Variants in IDO2 observed in about 807,000 individuals in gnomAD.
IDO2 encodes indoleamine 2,3-dioxygenase-like 1 protein.
In IDO2, 46 loss-of-function variants were observed where a neutral mutation model predicts 45.1. The observed-to-expected ratio is 1.02, with a 90% CI of 0.80 to 1.30. IDO2 has a LOEUF of 1.30. Among genes scored for constraint, IDO2 ranks in the 50% most tolerant of loss-of-function variants. The pLI is 0.00. For synonymous variants in IDO2, 218 were observed against 184.9 expected (o/e 1.18, Z -1.45); for missense variants, 544 against 491.8 (o/e 1.11, Z -1.00).
chr8:39,937,483 A>T (rs1407648911), intron 1 of IDO2, among the ~76,000 whole-genome samples: 1 of 152,036 alleles, frequency 6.6e-6, no homozygotes, highest in Non-Finnish European at 1.5e-5. Context: ...CTATTTCAGG[A>T]AGCTTTTCTA....
At chr8:39,965,144 C>G (rs562520804) in intron 3 of IDO2, among the ~76,000 whole-genome samples, 12 of 152,346 alleles carry the variant, frequency 7.9e-5, no homozygotes, top group Non-Finnish European at 1.6e-4. Context: ...CCTATTCCTT[C>G]TTGGCCTTTT....
chr8:39,987,882 C>G, exon 7 of IDO2: 1 of 1,606,690 alleles, frequency 6.2e-7, no homozygotes, highest in Non-Finnish European at 8.5e-7. Flanking sequence ...AACCTGGAGA[C>G]CATCATCTCA....
chr8:39,968,342 G>T (rs1808127926), intron 3 of IDO2, among the ~76,000 whole-genome samples: 1 of 152,130 alleles, frequency 6.6e-6, no homozygotes, highest in Non-Finnish European at 1.5e-5. Context: ...TAGCTTTATG[G>T]TTACTAGAGA....
chr8:40,015,875 T>A (rs2955904), exon 11 of IDO2: 2 of 396,966 alleles, frequency 5.0e-6, no homozygotes, highest in Non-Finnish European at 8.9e-6. Flanking sequence ...AGTGACTGTA[T>A]GCCATTCTCT....
intron 1 of IDO2, among the ~76,000 whole-genome samples, chr8:39,941,750 C>A (rs1807646011): frequency 6.6e-6 from 1 of 152,038 alleles, no homozygotes; most frequent in African/African-American, 2.4e-5. Flanking sequence ...CAGAAAAATA[C>A]AGTTCAAACA....
chr8:40,015,611 C>T (rs1802376504), exon 11 of IDO2: 4 of 1,594,178 alleles, frequency 2.5e-6, no homozygotes, highest in Non-Finnish European at 3.4e-6. Flanking sequence ...AGGAGGCTGC[C>T]CTCTCCCCAG....
rs1489358076 is a variant in IDO2, at chr8:39,949,130, A to G, written c.-17-19A>G. The G allele has an allele frequency of 6.3e-7, 1 of 1,582,774 alleles. No homozygotes were observed. Among genetic ancestry groups the G allele is most frequent in the East Asian group, 2.3e-5 (1 of 43,974 alleles). ...ATTTATTAGGAACAATTGATTCTTC[A>G]GTGACACTTTCCATGCAGATACTTC... is the stretch of plus-strand genomic sequence containing the variant. On this transcript the variant is annotated intron_variant, in intron 1 of 10. Coordinates refer to ENST00000502986, the Ensembl canonical transcript of IDO2.
At chr8:39,957,541 G>A (rs1807923338) in intron 2 of IDO2, among the ~76,000 whole-genome samples, 1 of 152,202 alleles carries the variant, frequency 6.6e-6, no homozygotes, top group African/African-American at 2.4e-5. Context: ...GACCCAGGGA[G>A]TTTGAGGCTG....
At chr8:39,974,359 C>G (rs758966112) in intron 3 of IDO2, among the ~76,000 whole-genome samples, 1 of 152,176 alleles carries the variant, frequency 6.6e-6, no homozygotes, top group African/African-American at 2.4e-5. Context: ...GATTAACTGG[C>G]TCTGCTCTTT....
intron 10 of IDO2, among the ~76,000 whole-genome samples, chr8:40,014,547 A>G (rs4314635): frequency 0.98 from 149,386 of 152,312 alleles, 73,326 homozygotes; most frequent in East Asian, 1. Flanking sequence ...AAGCACTGAG[A>G]AAACAAAATT....
chr8:39,993,545 C>T (rs903349762), intron 8 of IDO2, among the ~76,000 whole-genome samples: 1 of 152,090 alleles, frequency 6.6e-6, no homozygotes, highest in African/African-American at 2.4e-5. Flanking sequence ...GCTACTGTTC[C>T]TTTCTCATTA....
chr8:39,951,784 G>A (rs779772842), intron 2 of IDO2, among the ~76,000 whole-genome samples: 10 of 152,302 alleles, frequency 6.6e-5, no homozygotes, highest in Non-Finnish European at 1.2e-4. Context: ...GATTAAATGC[G>A]TACACTGAGC....
At chr8:39,993,476 T>C (rs545693494) in intron 8 of IDO2, among the ~76,000 whole-genome samples, 16 of 152,316 alleles carry the variant, frequency 1.1e-4, no homozygotes, top group African/African-American at 2.6e-4. Flanking sequence ...ATTTAGTGTA[T>C]GCATTTAAAT....
chr8:39,996,215 G>A (rs1802045269), intron 8 of IDO2, among the ~76,000 whole-genome samples: 1 of 152,190 alleles, frequency 6.6e-6, no homozygotes, highest in Non-Finnish European at 1.5e-5. Context: ...CCTGCCTGCA[G>A]TCATCTGGAG....
chr8:39,998,811 T>G (rs1190542077), intron 8 of IDO2, among the ~76,000 whole-genome samples: 1 of 151,756 alleles, frequency 6.6e-6, no homozygotes, highest in African/African-American at 2.4e-5. Context: ...CCACTAATTT[T>G]TTTGTATTTT....
intron 3 of IDO2, among the ~76,000 whole-genome samples, chr8:39,965,314 T>C (rs963652289): frequency 6.6e-6 from 1 of 152,090 alleles, no homozygotes; most frequent in Non-Finnish European, 1.5e-5. Context: ...GGTGAAACCA[T>C]GTCTCTACTA....
At chr8:40,015,639 G>A in exon 11 of IDO2, 2 of 1,480,300 alleles carry the variant, frequency 1.4e-6, no homozygotes. Flanking sequence ...GAGCCCCCAT[G>A]GAGGGCAGGT....
intron 8 of IDO2, among the ~76,000 whole-genome samples, chr8:40,000,802 T>G (rs1357823966): frequency 2.0e-5 from 3 of 152,222 alleles, no homozygotes; most frequent in African/African-American, 7.2e-5. Context: ...CACCAAATTG[T>G]TCTTCACAAT....
At chr8:39,982,370 ACAGT>A (rs1173397581) in intron 4 of IDO2, among the ~76,000 whole-genome samples, 5 of 151,908 alleles carry the variant, frequency 3.3e-5, no homozygotes, top group Admixed American at 6.6e-5. Flanking sequence ...CTTTCTTTGC[ACAGT>A]CAGTTTACAG....
Sources: allele counts gnomAD v4.1 joint callset (sites outside exome capture counted in the v4.1 genomes callset), GRCh38; gene constraint gnomAD v4.1.1; transcripts MANE v1.5; gene names NCBI Gene and HGNC (gene_info 2026-07-23, HGNC 2026-07-21).